The following DLG2 variants were observed in gnomAD, a reference collection of about 807,000 sequenced individuals.
DLG2 encodes the protein disks large homolog 2.
In DLG2, 45 loss-of-function variants were observed where a neutral mutation model predicts 132.5. The observed-to-expected ratio is 0.34, with a 90% CI of 0.27 to 0.44. The LOEUF is 0.44. Among genes scored for constraint, DLG2 ranks in the 20% least tolerant of loss-of-function variants. The probability of loss-of-function intolerance (pLI) is 1.00; values close to 1 mark genes in which losing one functional copy is unlikely to be tolerated. For synonymous variants in DLG2, 424 were observed against 419.6 expected, an observed-to-expected ratio of 1.01 and a Z score of -0.13; for missense variants, 1,045 against 1,196.9, an observed-to-expected ratio of 0.87 and a Z score of 1.87.
At chr11:83,823,279 A>G (rs2051386966) in intron 17 of DLG2, among the ~76,000 whole-genome samples, 1 of 152,144 alleles carries the variant, frequency 6.6e-6, no homozygotes, top group South Asian at 2.1e-4. Context: ...ATCAGCTGTT[A>G]TACCACAGTT....
chr11:83,494,759 G>A (rs2094057504), intron 21 of DLG2, among the ~76,000 whole-genome samples: 1 of 151,882 alleles, frequency 6.6e-6, no homozygotes, highest in South Asian at 2.1e-4. Flanking sequence ...TCCTGAAGTT[G>A]AGCAGGGCAC....
intron 9 of DLG2, among the ~76,000 whole-genome samples, chr11:84,115,805 C>T (rs2093607457): frequency 6.6e-6 from 1 of 152,150 alleles, no homozygotes; most frequent in Non-Finnish European, 1.5e-5. Context: ...TCCTTTATCA[C>T]CATCTACCCT....
At chr11:85,306,482 T>C (rs1195834703) in intron 3 of DLG2, among the ~76,000 whole-genome samples, 1 of 152,212 alleles carries the variant, frequency 6.6e-6, no homozygotes, top group African/African-American at 2.4e-5. Context: ...CCTGTCCAGA[T>C]TTACTTGCTG....
intron 7 of DLG2, among the ~76,000 whole-genome samples, chr11:84,525,187 C>A (rs532825152): frequency 6.6e-6 from 1 of 152,292 alleles, no homozygotes; most frequent in East Asian, 1.9e-4. Context: ...TCCAACTACA[C>A]TGAAAACGTC....
intron 8 of DLG2, among the ~76,000 whole-genome samples, chr11:84,172,025 G>A (rs2095835975): frequency 6.6e-6 from 1 of 152,110 alleles, no homozygotes; most frequent in Admixed American, 6.6e-5. Flanking sequence ...GAATCTAAAA[G>A]ACCTGGATTC....
chr11:84,892,086 C>T (rs559646904), intron 6 of DLG2, among the ~76,000 whole-genome samples: 5 of 152,234 alleles, frequency 3.3e-5, no homozygotes, highest in South Asian at 2.1e-4. Flanking sequence ...TACAGTTATA[C>T]TTGGGAATAT....
At chr11:84,396,971 G>C (rs540889252) in intron 7 of DLG2, among the ~76,000 whole-genome samples, 1 of 152,146 alleles carries the variant, frequency 6.6e-6, no homozygotes, top group Non-Finnish European at 1.5e-5. Context: ...TAAATGTCAC[G>C]TGCATGAATG....
intron 6 of DLG2, among the ~76,000 whole-genome samples, chr11:85,069,047 G>A (rs974009170): frequency 6.6e-6 from 1 of 151,826 alleles, no homozygotes; most frequent in African/African-American, 2.4e-5. Context: ...AACAAGAAAT[G>A]GGGAAAGGAT....
Position 84,976,054 on chromosome 11 carries a change from C to G in DLG2, c.357+135607G>C, listed in dbSNP as rs536751620. Among the ~76,000 whole-genome samples, 4 of 152,320 alleles carry G rather than the reference C, an allele frequency of 2.6e-5. No individual in the cohort carries two copies. In the South Asian group the frequency reaches 8.3e-4, roughly 32 times the overall value. ...CCAACAAAGCTTTCTGTGACTACAT[C>G]TGGCTGACTTAGCCACATCTTTCTC... On this transcript the variant is annotated intron_variant, in intron 6 of 27. Transcript: ENST00000376104.
At chr11:84,616,104 G>A (rs1485647140) in intron 6 of DLG2, among the ~76,000 whole-genome samples, 2 of 151,980 alleles carry the variant, frequency 1.3e-5, no homozygotes, top group African/African-American at 2.4e-5. Flanking sequence ...ATGGCAAAGG[G>A]GGGTCAGAGA....
intron 4 of DLG2, among the ~76,000 whole-genome samples, chr11:85,279,715 C>G (rs1226726305): frequency 1.3e-5 from 2 of 151,632 alleles, no homozygotes. Flanking sequence ...AATAAACAAG[C>G]AAACAGCAAA....
chr11:85,028,394 G>A (rs183116231), intron 6 of DLG2, among the ~76,000 whole-genome samples: 16 of 152,252 alleles, frequency 1.1e-4, no homozygotes, highest in East Asian at 3.9e-4. Flanking sequence ...GCTTCAGGCC[G>A]TTCTTGGCTT....
chr11:83,826,234 T>C (rs1005230448), intron 17 of DLG2, among the ~76,000 whole-genome samples: 1 of 152,160 alleles, frequency 6.6e-6, no homozygotes, highest in Non-Finnish European at 1.5e-5. Context: ...ACTCTGCCCA[T>C]AGTCAGGCCC....
intron 6 of DLG2, among the ~76,000 whole-genome samples, chr11:84,680,493 T>G (rs1234655220): frequency 1.3e-5 from 2 of 152,158 alleles, no homozygotes; most frequent in Non-Finnish European, 2.9e-5. Context: ...AGGATACTAT[T>G]CTATTATTCA....
chr11:84,599,982 C>G (rs1410154452), intron 6 of DLG2, among the ~76,000 whole-genome samples: 1 of 149,400 alleles, frequency 6.7e-6, no homozygotes, highest in African/African-American at 2.5e-5. Context: ...GCAGTGAATC[C>G]TGATGGCTGA....
chr11:84,991,507 T>TC (rs2057104284), intron 6 of DLG2, among the ~76,000 whole-genome samples: 1 of 20,156 alleles, frequency 5.0e-5, no homozygotes, highest in South Asian at 1.2e-3. Flanking sequence ...AGACACCTTC[T>TC]CAAAAAAAAA....
intron 6 of DLG2, among the ~76,000 whole-genome samples, chr11:85,109,463 T>C (rs1442517976): frequency 1.3e-5 from 2 of 152,162 alleles, no homozygotes; most frequent in Middle Eastern, 3.4e-3. Flanking sequence ...GGTTCTACAA[T>C]ACAACTAGGA....
chr11:84,795,605 C>A (rs987865095), intron 6 of DLG2, among the ~76,000 whole-genome samples: 1 of 152,112 alleles, frequency 6.6e-6, no homozygotes, highest in Non-Finnish European at 1.5e-5. Flanking sequence ...TCAGGACCCA[C>A]CAAATTGTGG....
chr11:85,003,967 G>A (rs138609412), intron 6 of DLG2, among the ~76,000 whole-genome samples: 1,688 of 152,132 alleles, frequency 0.011, 32 homozygotes, highest in African/African-American at 0.039. Context: ...GAGAACATGC[G>A]GTATTTGGTT....
Sources: allele counts gnomAD v4.1 joint callset (sites outside exome capture counted in the v4.1 genomes callset), GRCh38; gene constraint gnomAD v4.1.1; transcripts MANE v1.5; gene names NCBI Gene and HGNC (gene_info 2026-07-23, HGNC 2026-07-21).